CSMD2: variants seen among roughly 807,000 people sequenced by gnomAD.
The protein encoded by CSMD2 is CUB and Sushi multiple domains 2.
In CSMD2, 130 loss-of-function variants were observed where a neutral mutation model predicts 398.5. The observed-to-expected ratio is 0.33, with a 90% CI of 0.28 to 0.38. CSMD2 has a LOEUF of 0.38. CSMD2 is among the 10% of genes least tolerant of loss of function. The pLI, the probability that CSMD2 is intolerant of heterozygous loss-of-function variation, is 1.00. For missense variants in CSMD2, 3,829 were observed against 4,764.9 expected (o/e 0.80, Z 5.78); for synonymous variants, 1,828 against 1,908.5 (o/e 0.96, Z 1.10).
chr1:33,863,665 T>A (rs1393526157), intron 5 of CSMD2: 1 of 153,710 alleles, frequency 6.5e-6, no homozygotes, highest in Non-Finnish European at 1.4e-5. Context: ...CATTTTATCA[T>A]GACAGCCCTG....
In CSMD2 at chr1:33,524,901, G is replaced by A. The variant is rs755183571; in HGVS notation, c.10377C>T (p.Gly3459=). ...KVNATMIDHS[G]VELHLAGTYK... is the part of the protein sequence containing the mutation. ...CCTTACCAGCCAAGTGCAGCTCCAC[G>A]CCACTGTGGTCGATCATGGTGGCAT... The change falls in exon 66 of 71, where the codon GGC becomes GGT. Residue 3459 remains glycine, a synonymous_variant. Transcript: ENST00000373381. 10 of 1,614,106 alleles carry A rather than the reference G, an allele frequency of 6.2e-6. No individual in the cohort carries two copies. Among genetic ancestry groups the A allele is most frequent in the Admixed American group, 3.3e-5 (2 of 60,026 alleles).
intron 1 of CSMD2, among the ~76,000 whole-genome samples, chr1:34,151,970 G>T (rs968876303): frequency 1.4e-4 from 21 of 152,136 alleles, no homozygotes; most frequent in African/African-American, 4.6e-4. Flanking sequence ...AGCCTCTCGA[G>T]TAGCTAGGAC....
At position 33,626,697 on chromosome 1, in the gene CSMD2, C is replaced by T. The variant is rs896084860; in HGVS notation, c.5201-116G>A. ...GTACCCCATGCAGCAATTCCTTCCA[C>T]ATTCCAGGCCTTCCTGAAATAAAAT... On this transcript the variant is annotated intron_variant, in intron 32 of 70. Transcript: ENST00000373381. The T allele has an allele frequency of 2.6e-5, 16 of 620,538 alleles. No individual in the cohort carries two copies. The African/African-American group carries it at 3.0e-4, about 11-fold the overall frequency. The allele number at this position is 620,538 out of a possible 1,614,324, so 38.4% of individuals were successfully genotyped here.
At chr1:34,104,199 T>A (rs1660298633) in intron 1 of CSMD2, among the ~76,000 whole-genome samples, 1 of 152,218 alleles carries the variant, frequency 6.6e-6, no homozygotes. Flanking sequence ...TTTTTCTCAT[T>A]ATTTTTTTCT....
At chr1:33,776,301 G>A (rs569509478) in intron 12 of CSMD2, among the ~76,000 whole-genome samples, 1 of 152,324 alleles carries the variant, frequency 6.6e-6, no homozygotes, top group East Asian at 1.9e-4. Flanking sequence ...CCCAGCCTTA[G>A]AGACCGTGAG....
At chr1:33,962,666 C>T (rs896034419) in intron 3 of CSMD2, among the ~76,000 whole-genome samples, 21 of 152,192 alleles carry the variant, frequency 1.4e-4, no homozygotes, top group Admixed American at 1.0e-3. Flanking sequence ...TCCCTTGCTC[C>T]AGCCTCTGGA....
At chr1:33,576,867 C>A (rs1316591621) in intron 49 of CSMD2, among the ~76,000 whole-genome samples, 2 of 151,338 alleles carry the variant, frequency 1.3e-5, no homozygotes, top group African/African-American at 4.9e-5. Context: ...AAAAAACTGT[C>A]ATAAATCATA....
chr1:33,643,095 T>G (rs971679608), intron 29 of CSMD2, among the ~76,000 whole-genome samples: 1 of 152,182 alleles, frequency 6.6e-6, no homozygotes, highest in African/African-American at 2.4e-5. Flanking sequence ...CCTGGATCTC[T>G]CTAAAAGACA....
intron 1 of CSMD2, among the ~76,000 whole-genome samples, chr1:34,138,846 A>G (rs560643961): frequency 6.6e-6 from 1 of 152,316 alleles, no homozygotes; most frequent in African/African-American, 2.4e-5. Flanking sequence ...TTACATACAC[A>G]TTCATATATA....
At chr1:34,061,162 G>A (rs4653385) in intron 2 of CSMD2, among the ~76,000 whole-genome samples, 2,889 of 152,194 alleles carry the variant, frequency 0.019, 57 homozygotes, top group East Asian at 0.1. Context: ...GGCAGGCCAC[G>A]GTTGCTGCTA....
At chr1:33,546,858 CATTT>C (rs948639359) in intron 56 of CSMD2, among the ~76,000 whole-genome samples, 1 of 151,832 alleles carries the variant, frequency 6.6e-6, no homozygotes, top group South Asian at 2.1e-4. Context: ...TGATCTTGGG[CATTT>C]ATTTATTTAT....
intron 60 of CSMD2, among the ~76,000 whole-genome samples, chr1:33,538,394 A>C (rs2148584687): frequency 6.6e-6 from 1 of 152,330 alleles, no homozygotes; most frequent in African/African-American, 2.4e-5. Flanking sequence ...TGCCATTAAA[A>C]ATTGACTACC....
At chr1:33,619,769 G>A (rs1641644814) in intron 37 of CSMD2, among the ~76,000 whole-genome samples, 1 of 152,004 alleles carries the variant, frequency 6.6e-6, no homozygotes, top group Admixed American at 6.6e-5. Flanking sequence ...AACTCTTTGA[G>A]CCTTGTCCAA....
At chr1:34,062,786 G>A (rs542827040) in intron 2 of CSMD2, among the ~76,000 whole-genome samples, 1 of 152,310 alleles carries the variant, frequency 6.6e-6, no homozygotes, top group South Asian at 2.1e-4. Context: ...AGTCCCTGGA[G>A]AAGCAAAGCA....
chr1:34,160,480 C>T (rs999914055), intron 1 of CSMD2, among the ~76,000 whole-genome samples: 1 of 152,118 alleles, frequency 6.6e-6, no homozygotes, highest in Admixed American at 6.5e-5. Context: ...GGGAAAGGAA[C>T]AGGGGACCAG....
chr1:34,108,655 G>T (rs576301690), intron 1 of CSMD2, among the ~76,000 whole-genome samples: 3 of 152,284 alleles, frequency 2.0e-5, no homozygotes, highest in Admixed American at 6.5e-5. Flanking sequence ...AAAGAGAATT[G>T]GTGAGATAAA....
intron 1 of CSMD2, among the ~76,000 whole-genome samples, chr1:34,105,883 T>C (rs914782203): frequency 7.2e-5 from 11 of 152,224 alleles, no homozygotes; most frequent in Non-Finnish European, 1.0e-4. Flanking sequence ...CTAATACCAC[T>C]TCCGTGTTTG....
At chr1:33,703,643 T>C (rs1645682681) in intron 22 of CSMD2, among the ~76,000 whole-genome samples, 1 of 152,232 alleles carries the variant, frequency 6.6e-6, no homozygotes, top group Admixed American at 6.5e-5. Context: ...CTATGAATAT[T>C]CCTGCATGTC....
intron 41 of CSMD2, among the ~76,000 whole-genome samples, chr1:33,607,117 T>C (rs116564991): frequency 0.018 from 2,716 of 152,282 alleles, 83 homozygotes; most frequent in African/African-American, 0.06. Flanking sequence ...TGCCTAGCAT[T>C]TGGGGACAAT....
Sources: allele counts gnomAD v4.1 joint callset (sites outside exome capture counted in the v4.1 genomes callset), GRCh38; gene constraint gnomAD v4.1.1; transcripts MANE v1.5; gene names NCBI Gene and HGNC (gene_info 2026-07-23, HGNC 2026-07-21).